PLD5: variants seen among roughly 807,000 people sequenced by gnomAD.
PLD5 encodes the protein phospholipase D family member 5, also known as inactive phospholipase D5.
A neutral mutation model predicts 61.1 loss-of-function variants in PLD5; 36 were observed. The observed-to-expected ratio is 0.59, with a 90% CI of 0.45 to 0.78. The LOEUF (loss-of-function observed/expected upper bound fraction) is 0.78. PLD5 is among the 30% of genes least tolerant of loss of function. PLD5 has a pLI of 0.00. For missense variants in PLD5, 515 were observed against 644.4 expected (o/e 0.80, Z 2.17); for synonymous variants, 243 against 242.8 (o/e 1.00, Z -0.01).
intron 2 of PLD5, among the ~76,000 whole-genome samples, chr1:242,311,403 G>A (rs943146605): frequency 3.9e-5 from 6 of 152,166 alleles, no homozygotes; most frequent in Non-Finnish European, 7.3e-5. Flanking sequence ...AGGAGGTCAA[G>A]GTGAAGCCTG....
intron 1 of PLD5, among the ~76,000 whole-genome samples, chr1:242,501,502 G>A (rs1365782974): frequency 6.6e-6 from 1 of 152,120 alleles, no homozygotes; most frequent in Non-Finnish European, 1.5e-5. Flanking sequence ...TCCACTTTGG[G>A]GCAGGCATCT....
intron 5 of PLD5, chr1:242,209,262 G>A (rs540613589): frequency 2.6e-5 from 4 of 152,232 alleles, no homozygotes; most frequent in African/African-American, 9.6e-5. Flanking sequence ...TGTGTGGAAA[G>A]CCTGCGGTGG....
intron 1 of PLD5, among the ~76,000 whole-genome samples, chr1:242,434,538 T>C (rs1212135994): frequency 6.6e-6 from 1 of 152,210 alleles, no homozygotes; most frequent in Admixed American, 6.5e-5. Flanking sequence ...TGTCATCGTA[T>C]AGATGGTGTT....
chr1:242,124,768 T>C, intron 5 of PLD5, 103 bp from the exon 6 acceptor site: 1 of 915,310 alleles, frequency 1.1e-6, no homozygotes, highest in South Asian at 1.7e-5. Context: ...GACATCTTTT[T>C]TCTTGCATTT....
At chr1:242,511,615 A>C (rs538504038) in intron 1 of PLD5, among the ~76,000 whole-genome samples, 66 of 152,276 alleles carry the variant, frequency 4.3e-4, no homozygotes, top group African/African-American at 1.6e-3. Flanking sequence ...CATGCACAAA[A>C]TGAGGGACAT....
chr1:242,341,117 G>A (rs1410644677), intron 2 of PLD5, among the ~76,000 whole-genome samples: 1 of 151,962 alleles, frequency 6.6e-6, no homozygotes. Context: ...TTGCCAAAAA[G>A]CAAGGCTGCT....
chr1:242,091,774 A>G (rs1212385776), intron 9 of PLD5, among the ~76,000 whole-genome samples: 1 of 151,538 alleles, frequency 6.6e-6, no homozygotes, highest in African/African-American at 2.4e-5. Context: ...CTTTCTGTGG[A>G]CGCCCTACTC....
chr1:242,168,851 T>TTG (rs1282391714), intron 5 of PLD5, among the ~76,000 whole-genome samples: 1 of 137,660 alleles, frequency 7.3e-6, no homozygotes, highest in Non-Finnish European at 1.5e-5. Context: ...ATGAAGTTTT[T>TTG]TTTTTTTTTT....
At chr1:242,158,714 C>G (rs1665588024) in intron 5 of PLD5, among the ~76,000 whole-genome samples, 1 of 152,152 alleles carries the variant, frequency 6.6e-6, no homozygotes, top group African/African-American at 2.4e-5. Flanking sequence ...CACCCGCTTT[C>G]TGTGTCAATC....
At chr1:242,520,694 G>C (rs1285556499) in intron 1 of PLD5, among the ~76,000 whole-genome samples, 1 of 152,074 alleles carries the variant, frequency 6.6e-6, no homozygotes, top group East Asian at 1.9e-4. Context: ...CTTTAAAAAA[G>C]AAAAATGTTC....
At chr1:242,519,752 G>T (rs1398080176) in intron 1 of PLD5, among the ~76,000 whole-genome samples, 2 of 152,164 alleles carry the variant, frequency 1.3e-5, no homozygotes, top group East Asian at 3.9e-4. Context: ...CAGGCCCCCA[G>T]ATGATGGATG....
rs1462914916 is a variant in PLD5, at chr1:242,256,790, CT to C, written c.607+8546del. ...TCTATCTATCTATCTATCTATCTAT[CT>C]ATCTATTAATATCTATCTTTCTATG... On this transcript the variant is annotated intron_variant, in intron 4 of 9. Transcript: ENST00000536534. This position sits in a 1 kb window ranked among gnomAD's most constrained non-coding sequence, Gnocchi z 5.7. Among the ~76,000 whole-genome samples the C allele has an allele frequency of 1.1e-4, 16 of 140,498 alleles. No individual in the cohort carries two copies. The highest frequency in any genetic ancestry group is 4.4e-4 in the African/African-American group (16 of 36,456). 92.2% of individuals were successfully genotyped at this position (140,498 alleles called of 152,430 possible). A position where few individuals can be genotyped will look rare whatever the true frequency, so the allele number is the denominator to read the frequency against.
At chr1:242,128,014 C>T (rs1662931435) in intron 5 of PLD5, among the ~76,000 whole-genome samples, 1 of 152,178 alleles carries the variant, frequency 6.6e-6, no homozygotes, top group Non-Finnish European at 1.5e-5. Flanking sequence ...CATTTGCTCA[C>T]ACGTGGCAAA....
At position 242,086,942 on chromosome 1, in the gene PLD5, T is replaced by C. The variant is rs1451179328; in HGVS notation, c.*2912A>G. 6.6e-6 allele frequency: 1 copy of C among 151,986 alleles called. No homozygotes were observed. Among genetic ancestry groups the C allele is most frequent in the Non-Finnish European group, 1.5e-5 (1 of 67,990 alleles). The allele number at this position is 151,986 out of a possible 1,614,324, so 9.4% of individuals were successfully genotyped here. On this transcript the variant is annotated 3_prime_UTR_variant, in exon 10 of 10. Coordinates refer to ENST00000536534, the MANE Select transcript of PLD5 (RefSeq NM_001372062.1). ...GGTGTCAAATTAACCTGTTTTTGTT[T>C]TGCATTCTTTCCCTCCTGGAAAGTA...
At chr1:242,150,971 T>G (rs2148817122) in intron 5 of PLD5, among the ~76,000 whole-genome samples, 1 of 151,896 alleles carries the variant, frequency 6.6e-6, no homozygotes, top group East Asian at 1.9e-4. Context: ...TATTTAAAAT[T>G]TTTAGTGGTT....
intron 2 of PLD5, among the ~76,000 whole-genome samples, chr1:242,328,343 T>C (rs1658938252): frequency 6.6e-6 from 1 of 152,084 alleles, no homozygotes; most frequent in Admixed American, 6.6e-5. Context: ...CATACGTGTG[T>C]TCTACATGTG....
intron 5 of PLD5, among the ~76,000 whole-genome samples, chr1:242,167,770 G>A (rs1666437189): frequency 6.6e-6 from 1 of 152,104 alleles, no homozygotes; most frequent in African/African-American, 2.4e-5. Flanking sequence ...CCATAGATGT[G>A]GATTGCCTAC....
Position 242,295,350 on chromosome 1 carries a change from T to C in PLD5, c.327-6820A>G, listed in dbSNP as rs557365619. Among the ~76,000 whole-genome samples the C allele has an allele frequency of 5.2e-4, 79 of 152,350 alleles. 1 individual carries two copies. Among genetic ancestry groups the C allele is most frequent in the Non-Finnish European group, 9.0e-4 (61 of 68,040 alleles). Reference sequence around the variant, plus strand: ...TCCATCCGTATGTCCTTGCCTTGGATACCCATTGTTTAGCTCTCACGTGTA... The same window carrying C: ...TCCATCCGTATGTCCTTGCCTTGGACACCCATTGTTTAGCTCTCACGTGTA... On this transcript the variant is annotated intron_variant, in intron 2 of 9. Coordinates refer to ENST00000536534, the MANE Select transcript of PLD5 (RefSeq NM_001372062.1).
intron 1 of PLD5, among the ~76,000 whole-genome samples, chr1:242,379,316 C>T (rs566584082): frequency 6.6e-6 from 1 of 152,284 alleles, no homozygotes; most frequent in African/African-American, 2.4e-5. Flanking sequence ...ACACCAGGAC[C>T]TTGGTTGTCC....
Sources: gnomAD v4.1 joint callset for allele counts (sites outside exome capture counted in the v4.1 genomes callset) on GRCh38, gnomAD v4.1.1 for gene constraint, Gnocchi (gnomAD v3.1) non-coding constraint, MANE v1.5 for transcripts, NCBI Gene and HGNC (gene_info 2026-07-23, HGNC 2026-07-21) for gene names.